Variants in HHLA2 observed in about 807,000 individuals in gnomAD.
HHLA2 encodes HERV-H LTR-associating protein 2.
Under a neutral mutation model 45.9 loss-of-function variants are expected in HHLA2, and 48 were observed. The observed-to-expected ratio is 1.05, with a 90% CI of 0.83 to 1.33. The LOEUF (loss-of-function observed/expected upper bound fraction) is 1.33. Ranked by LOEUF, HHLA2 falls within the 40% of genes most tolerant of loss-of-function variation. The pLI, the probability that HHLA2 is intolerant of heterozygous loss-of-function variation, is 0.00. For synonymous variants in HHLA2, 161 were observed against 173.9 expected, an observed-to-expected ratio of 0.93 and a Z score of 0.59; for missense variants, 462 against 494.3, an observed-to-expected ratio of 0.93 and a Z score of 0.62.
At chr3:108,347,678 AT>A (rs1355275305) in intron 3 of HHLA2, among the ~76,000 whole-genome samples, 1 of 152,162 alleles carries the variant, frequency 6.6e-6, no homozygotes, top group Non-Finnish European at 1.5e-5. Flanking sequence ...CCGAATGCGT[AT>A]TTGTAGATAT....
At chr3:108,363,981 T>A (rs2082021465) in intron 8 of HHLA2, among the ~76,000 whole-genome samples, 1 of 152,132 alleles carries the variant, frequency 6.6e-6, no homozygotes, top group South Asian at 2.1e-4. Flanking sequence ...ACTTCTTTTT[T>A]TTTTTTTCTT....
intron 1 of HHLA2, chr3:108,302,782 C>T (rs570129444): frequency 6.6e-6 from 1 of 152,196 alleles, no homozygotes; most frequent in East Asian, 1.9e-4. Context: ...GTCCTGAAGT[C>T]AAGGGAGGAG....
At chr3:108,372,544 T>A (rs971958499) in intron 8 of HHLA2, among the ~76,000 whole-genome samples, 1 of 150,836 alleles carries the variant, frequency 6.6e-6, no homozygotes, top group Non-Finnish European at 1.5e-5. Context: ...CAGGAGCTGG[T>A]TTTTTGAAAA....
At chr3:108,345,069 A>C (rs1468816996) in intron 3 of HHLA2, among the ~76,000 whole-genome samples, 1 of 152,080 alleles carries the variant, frequency 6.6e-6, no homozygotes, top group African/African-American at 2.4e-5. Flanking sequence ...CAAGATGGGG[A>C]ATTGAGGGCA....
intron 6 of HHLA2, 29 bp downstream of exon 5, chr3:108,355,410 C>A (rs753109895): frequency 1.3e-6 from 2 of 1,587,956 alleles, no homozygotes; most frequent in East Asian, 2.2e-5. Flanking sequence ...TCTGTGTACA[C>A]GTGCTGTTTC....
intron 2 of HHLA2, among the ~76,000 whole-genome samples, chr3:108,315,995 G>A (rs947187919): frequency 6.6e-6 from 1 of 151,568 alleles, no homozygotes; most frequent in African/African-American, 2.4e-5. Context: ...GAACAGGTGA[G>A]CTATTGCATT....
At chr3:108,323,592 G>A (rs2081240942) in intron 2 of HHLA2, among the ~76,000 whole-genome samples, 1 of 152,050 alleles carries the variant, frequency 6.6e-6, no homozygotes, top group Admixed American at 6.5e-5. Flanking sequence ...TTTAGTAAAT[G>A]GATTTCCCTG....
chr3:108,370,757 CGAGAA>C (rs2082155615), intron 8 of HHLA2, among the ~76,000 whole-genome samples: 1 of 151,924 alleles, frequency 6.6e-6, no homozygotes. Flanking sequence ...TGAAACGAAG[CGAGAA>C]GAGAAGTTTA....
Position 108,352,046 on chromosome 3 carries a change from A to G in HHLA2, c.64+169A>G, listed in dbSNP as rs533696112. On this transcript the variant is annotated intron_variant, in intron 4 of 10. Transcript: ENST00000619531. ...CTGGAAGTCTGCATGAAGACTAAAA[A>G]TTATATATATTTTTTCTGTCCACTC... 5.9e-5 allele frequency among the ~76,000 whole-genome samples: 9 copies of G among 152,330 alleles called. 1 individual carries two copies. The highest frequency in any genetic ancestry group is 1.7e-4 in the African/African-American group (7 of 41,578).
At chr3:108,325,007 T>C (rs1032506160) in intron 2 of HHLA2, among the ~76,000 whole-genome samples, 88 of 152,292 alleles carry the variant, frequency 5.8e-4, no homozygotes, top group African/African-American at 2.0e-3. Context: ...TTCAGACATC[T>C]CACTTTTTTT....
intron 4 of HHLA2, among the ~76,000 whole-genome samples, chr3:108,352,475 T>A (rs1288004610): frequency 6.6e-6 from 1 of 152,170 alleles, no homozygotes; most frequent in Non-Finnish European, 1.5e-5. Flanking sequence ...AGTTCTTCCA[T>A]CTTGGGTGGC....
At chr3:108,306,513 C>T (rs1302051480) in intron 1 of HHLA2, among the ~76,000 whole-genome samples, 4 of 152,080 alleles carry the variant, frequency 2.6e-5, no homozygotes, top group Admixed American at 2.6e-4. Context: ...TCCCTCTGTG[C>T]GTGTGTGTGA....
At position 108,321,668 on chromosome 3, in the gene HHLA2, C is replaced by CT. The variant is rs112813277; in HGVS notation, c.-104-6595dup. On this transcript the variant is annotated intron_variant, in intron 2 of 10. Coordinates refer to ENST00000619531, the Ensembl canonical transcript of HHLA2. ...TCATCCACCACTTTTATTCAGTAAG[C>CT]TTTTTTTCAGTAATAGCAATTCATT... Among the ~76,000 whole-genome samples the CT allele has an allele frequency of 2.0e-3, 302 of 152,148 alleles. 2 individuals carry two copies. The highest frequency in any genetic ancestry group is 6.6e-3 in the African/African-American group (276 of 41,532).
At chr3:108,375,914 A>G (rs1194570003) in intron 9 of HHLA2, 114 bp downstream of exon 8, 2 of 1,373,946 alleles carry the variant, frequency 1.5e-6, no homozygotes, top group African/African-American at 1.5e-5. Context: ...GATATATTCC[A>G]TACTTCTGCA....
intron 8 of HHLA2, among the ~76,000 whole-genome samples, chr3:108,367,419 G>A (rs201866662): frequency 2.6e-5 from 4 of 152,008 alleles, no homozygotes; most frequent in Non-Finnish European, 5.9e-5. Flanking sequence ...TGAGCTAAAG[G>A]AGCATGTTCT....
intron 3 of HHLA2, among the ~76,000 whole-genome samples, chr3:108,347,934 G>C (rs1014808711): frequency 6.6e-5 from 10 of 152,084 alleles, no homozygotes; most frequent in Admixed American, 5.9e-4. Flanking sequence ...CTGCTGTTTT[G>C]TTGTGTTTGG....
At chr3:108,375,133 T>C (rs1198650232) in intron 8 of HHLA2, among the ~76,000 whole-genome samples, 8 of 151,960 alleles carry the variant, frequency 5.3e-5, no homozygotes, top group African/African-American at 1.9e-4. Flanking sequence ...ATATACACCA[T>C]GGAATACTAT....
At chr3:108,350,033 A>G (rs2081748910) in intron 3 of HHLA2, among the ~76,000 whole-genome samples, 2 of 152,180 alleles carry the variant, frequency 1.3e-5, no homozygotes, top group African/African-American at 4.8e-5. Context: ...TTAATGGCAT[A>G]TAGAGGCAAA....
intron 6 of HHLA2, 88 bp downstream of exon 5, chr3:108,355,469 G>A (rs2081873639): frequency 7.0e-7 from 1 of 1,423,782 alleles, no homozygotes. Context: ...AAAGGAAGAT[G>A]AAAGAAAAGA....
Sources: allele counts gnomAD v4.1 joint callset (sites outside exome capture counted in the v4.1 genomes callset), GRCh38; gene constraint gnomAD v4.1.1; transcripts MANE v1.5; gene names NCBI Gene and HGNC (gene_info 2026-07-23, HGNC 2026-07-21).